Variants in KCNK13 observed in about 807,000 individuals in gnomAD.
KCNK13 encodes potassium two pore domain channel subfamily K member 13, also known as potassium channel subfamily K member 13.
A neutral mutation model predicts 23.4 loss-of-function variants in KCNK13; 12 were observed. The observed-to-expected ratio is 0.51, with a 90% confidence interval of 0.33 to 0.83. The LOEUF (loss-of-function observed/expected upper bound fraction) is 0.83, where lower values mean the gene tolerates loss of function less well. Among genes scored for constraint, KCNK13 ranks in the 40% least tolerant of loss-of-function variants. The pLI is 0.02. For missense variants in KCNK13, 463 were observed against 556.3 expected (o/e 0.83, Z 1.69); for synonymous variants, 231 against 229.5 (o/e 1.01, Z -0.06).
rs1252616177 is a variant in KCNK13 at position 90,184,597 on chromosome 14, C to A, written c.821C>A (p.Ser274Tyr). 4.3e-6 allele frequency: 7 copies of A among 1,614,148 alleles called. No individual in the cohort carries two copies. Among genetic ancestry groups the A allele is most frequent in the Admixed American group, 1.7e-5 (1 of 60,008 alleles). ...CTCATGGGTGTCTGCTGCATCTACT[C>A]CTTGTTCAATGTCATCTCTATCCTC... ...FILMGVCCIYSLFNVISILIK... is the reference protein window; with the variant it reads ...FILMGVCCIYYLFNVISILIK... The change falls in exon 2 of 2, where the codon TCC (serine) becomes TAC (tyrosine). Residue 274 changes from serine to tyrosine, a missense_variant. By Grantham distance (144) the Ser-to-Tyr change is moderately radical. Transcript: ENST00000282146. This position sits in a 1 kb window ranked among gnomAD's most constrained non-coding sequence, Gnocchi z 5.6.
intron 1 of KCNK13, among the ~76,000 whole-genome samples, chr14:90,156,085 T>A (rs1169855929): frequency 6.6e-6 from 1 of 151,484 alleles, no homozygotes; most frequent in Admixed American, 6.6e-5. Context: ...ACACTTGTAG[T>A]CACAGCTACT....
At chr14:90,136,052 C>G (rs1889932737) in intron 1 of KCNK13, among the ~76,000 whole-genome samples, 1 of 152,034 alleles carries the variant, frequency 6.6e-6, no homozygotes, top group African/African-American at 2.4e-5. Context: ...GTATGGTGGA[C>G]AAGACCAGGG....
chr14:90,115,225 C>G (rs901492801), intron 1 of KCNK13, among the ~76,000 whole-genome samples: 32 of 152,108 alleles, frequency 2.1e-4, no homozygotes, highest in African/African-American at 7.5e-4. Context: ...GTAGTTGGAC[C>G]CTACCCCAGA....
At chr14:90,118,007 G>A (rs1391620586) in intron 1 of KCNK13, among the ~76,000 whole-genome samples, 1 of 152,174 alleles carries the variant, frequency 6.6e-6, no homozygotes. Flanking sequence ...ACAGCTCAAT[G>A]ACTACAACCA....
At chr14:90,078,552 AGTT>A (rs1240377042) in intron 1 of KCNK13, among the ~76,000 whole-genome samples, 25 of 151,974 alleles carry the variant, frequency 1.6e-4, no homozygotes, top group Non-Finnish European at 4.4e-5. Flanking sequence ...ACAGTGATGT[AGTT>A]GTGCAGAAAG....
intron 1 of KCNK13, among the ~76,000 whole-genome samples, chr14:90,091,991 A>G (rs956960190): frequency 3.4e-5 from 5 of 146,960 alleles, no homozygotes; most frequent in Middle Eastern, 3.5e-3. Context: ...CAGCGATCTC[A>G]GCTCACTGCA....
At chr14:90,169,115 CTTTTATATGCAGTATAAAAG>C (rs1029640861) in intron 1 of KCNK13, among the ~76,000 whole-genome samples, 1 of 152,154 alleles carries the variant, frequency 6.6e-6, no homozygotes, top group Admixed American at 6.5e-5. Context: ...ATACATTCAC[CTTTTATATGCAGTATAAAAG>C]TTAATTTTTA....
At chr14:90,104,613 G>T (rs1001835881) in intron 1 of KCNK13, among the ~76,000 whole-genome samples, 1 of 151,926 alleles carries the variant, frequency 6.6e-6, no homozygotes, top group African/African-American at 2.4e-5. Flanking sequence ...TCTCACAAAG[G>T]TGATGTGCAT....
At chr14:90,172,292 G>A (rs1371494588) in intron 1 of KCNK13, among the ~76,000 whole-genome samples, 3 of 149,134 alleles carry the variant, frequency 2.0e-5, no homozygotes, top group South Asian at 2.2e-4. Context: ...ACTCTATCCC[G>A]GGTGATGGAG....
At chr14:90,132,803 G>T (rs748063099) in intron 1 of KCNK13, among the ~76,000 whole-genome samples, 10 of 151,976 alleles carry the variant, frequency 6.6e-5, no homozygotes, top group African/African-American at 1.7e-4. Flanking sequence ...AGTAACTATC[G>T]CCATTTGTAC....
intron 1 of KCNK13, among the ~76,000 whole-genome samples, chr14:90,070,728 C>T (rs1889063548): frequency 6.6e-6 from 1 of 152,186 alleles, no homozygotes; most frequent in South Asian, 2.1e-4. Flanking sequence ...CCAGTTATAG[C>T]AGTGGCTTTT....
At chr14:90,085,429 C>G (rs181332917) in intron 1 of KCNK13, among the ~76,000 whole-genome samples, 196 of 151,298 alleles carry the variant, frequency 1.3e-3, no homozygotes, top group Admixed American at 5.3e-3. Context: ...GAGGCCGAGG[C>G]GAGTGGATCA....
rs536229178 is a variant in KCNK13 at position 90,069,928 on chromosome 14, T to G, written c.334+7389T>G. 6.6e-5 allele frequency among the ~76,000 whole-genome samples: 10 copies of G among 152,322 alleles called. No individual in the cohort carries two copies. In the South Asian group the frequency reaches 1.7e-3, roughly 25 times the overall value. ...GTTAGAATTAGAACCAAGTTTTGTT[T>G]TGTTCAGTGTCTAGTGACAAAATAT... is the stretch of plus-strand genomic sequence containing the variant. On this transcript the variant is annotated intron_variant, in intron 1 of 1. Coordinates refer to ENST00000282146, the MANE Select transcript of KCNK13 (RefSeq NM_022054.4).
At chr14:90,162,772 T>C (rs769790943) in intron 1 of KCNK13, among the ~76,000 whole-genome samples, 4 of 152,174 alleles carry the variant, frequency 2.6e-5, no homozygotes, top group Non-Finnish European at 5.9e-5. Context: ...TAAAAGAAAT[T>C]GATTTACCTA....
chr14:90,075,282 C>T (rs372395658), intron 1 of KCNK13, among the ~76,000 whole-genome samples: 1 of 152,132 alleles, frequency 6.6e-6, no homozygotes, highest in African/African-American at 2.4e-5. Context: ...ATTGAGACCT[C>T]GGTTTATTGG....
At chr14:90,090,163 G>A (rs1488306293) in intron 1 of KCNK13, among the ~76,000 whole-genome samples, 1 of 152,222 alleles carries the variant, frequency 6.6e-6, no homozygotes, top group Non-Finnish European at 1.5e-5. Context: ...CCATGTGCCT[G>A]GAAAAGCCAG....
intron 1 of KCNK13, among the ~76,000 whole-genome samples, chr14:90,104,152 T>C (rs1472167822): frequency 1.3e-5 from 2 of 152,162 alleles, no homozygotes; most frequent in Non-Finnish European, 2.9e-5. Context: ...CAATTTTCCT[T>C]TGACATGAAT....
At chr14:90,065,283 C>T (rs189640750) in intron 1 of KCNK13, among the ~76,000 whole-genome samples, 148 of 152,176 alleles carry the variant, frequency 9.7e-4, no homozygotes, top group African/African-American at 3.5e-3. Context: ...ACAAAGTATA[C>T]AGGAAAATAA....
At chr14:90,112,963 G>C (rs1400168200) in intron 1 of KCNK13, among the ~76,000 whole-genome samples, 1 of 151,334 alleles carries the variant, frequency 6.6e-6, no homozygotes, top group Non-Finnish European at 1.5e-5. Context: ...GCCCAGGGTG[G>C]AGGGCAGTGG....
Sources: allele counts gnomAD v4.1 joint callset (sites outside exome capture counted in the v4.1 genomes callset), GRCh38; gene constraint gnomAD v4.1.1; non-coding constraint Gnocchi (gnomAD v3.1); transcripts MANE v1.5; gene names NCBI Gene and HGNC (gene_info 2026-07-23, HGNC 2026-07-21).